The following SNW1 variants were observed in gnomAD, a reference collection of about 807,000 sequenced individuals.
SNW1 encodes SNW domain-containing protein 1.
In SNW1, 9 loss-of-function variants were observed where a neutral mutation model predicts 75.6. The observed-to-expected ratio is 0.12, with a 90% CI of 0.07 to 0.21. The LOEUF (loss-of-function observed/expected upper bound fraction) is 0.21. SNW1 is among the 10% of genes least tolerant of loss of function. The pLI is 1.00. For synonymous variants in SNW1, 200 were observed against 219.1 expected (o/e 0.91, Z 0.77); for missense variants, 409 against 670.9 (o/e 0.61, Z 4.31).
At chr14:77,720,502 C>A (rs1484112786) in intron 12 of SNW1, 1 of 710,244 alleles carries the variant, frequency 1.4e-6, no homozygotes. Context: ...CACCTAATTT[C>A]TTTCTTCTCC....
At chr14:77,749,179 A>C (rs980188994) in intron 3 of SNW1, among the ~76,000 whole-genome samples, 2 of 152,248 alleles carry the variant, frequency 1.3e-5, no homozygotes, top group Non-Finnish European at 2.9e-5. Flanking sequence ...GTGGCAAATA[A>C]ATTACATTAG....
chr14:77,757,075 C>G (rs2080847048), intron 1 of SNW1, among the ~76,000 whole-genome samples: 1 of 152,076 alleles, frequency 6.6e-6, no homozygotes, highest in Non-Finnish European at 1.5e-5. Flanking sequence ...AGAAAATAAC[C>G]TTAGTTCCTT....
chr14:77,744,446 C>CAAAAAAAAAAAAAAA (rs11335115), intron 3 of SNW1, among the ~76,000 whole-genome samples: 13 of 82,926 alleles, frequency 1.6e-4, no homozygotes, highest in Admixed American at 4.6e-4. Context: ...GTCTCCATCT[C>CAAAAAAAAAAAAAAA]AAAAAAAAAA....
chr14:77,753,097 C>T (rs1245649467), intron 2 of SNW1, among the ~76,000 whole-genome samples: 1 of 152,160 alleles, frequency 6.6e-6, no homozygotes, highest in Non-Finnish European at 1.5e-5. Context: ...GAACAAAATG[C>T]CTTCTTCCAC....
chr14:77,760,031 T>C (rs978659324), intron 1 of SNW1, among the ~76,000 whole-genome samples: 1 of 152,162 alleles, frequency 6.6e-6, no homozygotes, highest in African/African-American at 2.4e-5. Context: ...ACATAACTTA[T>C]TCCATTCAAT....
At chr14:77,758,707 T>A (rs1262025444) in intron 1 of SNW1, among the ~76,000 whole-genome samples, 1 of 152,200 alleles carries the variant, frequency 6.6e-6, no homozygotes, top group Non-Finnish European at 1.5e-5. Context: ...CCCATTAGAG[T>A]GTAAGCTCCA....
intron 10 of SNW1, among the ~76,000 whole-genome samples, chr14:77,726,876 CTTGTTTTTCA>C (rs2080590048): frequency 6.6e-6 from 1 of 151,838 alleles, no homozygotes. Flanking sequence ...GGACTGCCTT[CTTGTTTTTCA>C]GCTTGGGTAT....
intron 10 of SNW1, among the ~76,000 whole-genome samples, chr14:77,725,729 G>C (rs1377173940): frequency 6.6e-6 from 1 of 152,072 alleles, no homozygotes; most frequent in Non-Finnish European, 1.5e-5. Flanking sequence ...ACCACCCTGG[G>C]TGTAATGGCA....
intron 11 of SNW1, among the ~76,000 whole-genome samples, chr14:77,721,548 T>C (rs1184862042): frequency 6.6e-6 from 1 of 152,178 alleles, no homozygotes; most frequent in South Asian, 2.1e-4. Flanking sequence ...CCATTGTAAC[T>C]TTTACAACTT....
chr14:77,731,261 A>G, intron 9 of SNW1, 132 bp from the exon 10 acceptor site: 2 of 988,080 alleles, frequency 2.0e-6, no homozygotes, highest in Non-Finnish European at 2.9e-6. Flanking sequence ...TAATTAAAAC[A>G]AAGAGTCTTG....
chr14:77,733,138 T>G (rs1420802157), intron 8 of SNW1, among the ~76,000 whole-genome samples: 1 of 152,202 alleles, frequency 6.6e-6, no homozygotes, highest in Non-Finnish European at 1.5e-5. Flanking sequence ...CTATAAAGCT[T>G]CTAACATTAT....
At chr14:77,760,719 A>T in intron 1 of SNW1, 1 of 702,442 alleles carries the variant, frequency 1.4e-6, no homozygotes, top group Non-Finnish European at 2.6e-6. Flanking sequence ...AAACGGCCGG[A>T]AAGCCGCGCA....
intron 5 of SNW1, 86 bp from the exon 6 acceptor site, chr14:77,737,161 T>A: frequency 1.0e-6 from 1 of 953,012 alleles, no homozygotes; most frequent in Non-Finnish European, 1.7e-6. Context: ...TAAGCTAGAC[T>A]ACATTTTCAA....
intron 6 of SNW1, among the ~76,000 whole-genome samples, chr14:77,736,416 G>C (rs1566830612): frequency 6.6e-6 from 1 of 152,016 alleles, no homozygotes; most frequent in Non-Finnish European, 1.5e-5. Flanking sequence ...GGGCATTGTG[G>C]TACACGCCTG....
At chr14:77,736,917 T>C (rs1363625167) in intron 6 of SNW1, 54 bp downstream of exon 6, 6 of 1,279,186 alleles carry the variant, frequency 4.7e-6, no homozygotes, top group Non-Finnish European at 6.8e-6. Flanking sequence ...GCATATTGTT[T>C]TGAGATTCAT....
intron 3 of SNW1, among the ~76,000 whole-genome samples, chr14:77,750,130 G>A (rs1238269826): frequency 1.3e-5 from 2 of 152,188 alleles, no homozygotes; most frequent in African/African-American, 2.4e-5. Flanking sequence ...GAGCCCAGGA[G>A]GTCGAGGCTT....
chr14:77,725,919 A>G (rs1293174076), intron 10 of SNW1, among the ~76,000 whole-genome samples: 1 of 152,192 alleles, frequency 6.6e-6, no homozygotes, highest in African/African-American at 2.4e-5. Flanking sequence ...TTGTCTCCAA[A>G]CAATCAAAAA....
intron 3 of SNW1, among the ~76,000 whole-genome samples, chr14:77,746,408 G>T (rs894403218): frequency 4.6e-5 from 7 of 152,162 alleles, no homozygotes; most frequent in African/African-American, 1.4e-4. Context: ...TACTTGAGAA[G>T]TGTTAAGGAA....
chr14:77,733,570 C>G (rs918070549), intron 8 of SNW1, among the ~76,000 whole-genome samples: 1 of 151,424 alleles, frequency 6.6e-6, no homozygotes, highest in Non-Finnish European at 1.5e-5. Context: ...ATGGTGAAAC[C>G]CCGTCTCTAC....
Sources: allele counts gnomAD v4.1 joint callset (sites outside exome capture counted in the v4.1 genomes callset), GRCh38; gene constraint gnomAD v4.1.1; transcripts MANE v1.5; gene names NCBI Gene and HGNC (gene_info 2026-07-23, HGNC 2026-07-21).